Variants in STARD13 observed in about 807,000 individuals in gnomAD.
STARD13 encodes the protein StAR related lipid transfer domain containing 13, also known as stAR-related lipid transfer protein 13.
A neutral mutation model predicts 106.4 loss-of-function variants in STARD13; 62 were observed. That is an observed-to-expected ratio of 0.58 (90% CI 0.48 to 0.72). The LOEUF is 0.72. STARD13 is among the 30% of genes least tolerant of loss of function. The pLI, the probability that STARD13 is intolerant of heterozygous loss-of-function variation, is 0.00. For synonymous variants in STARD13, 565 were observed against 553.0 expected (o/e 1.02, Z -0.31); for missense variants, 1,387 against 1,424.0 (o/e 0.97, Z 0.42).
At chr13:33,650,547 T>TA in the STARD13 span, among the ~76,000 whole-genome samples, 10,218 of 152,234 alleles carry the variant, frequency 0.067, 807 homozygotes, top group Admixed American at 0.2. Flanking sequence ...CGCTTTAACT[T>TA]AGAGAGATCT....
chr13:33,165,339 G>C lies in STARD13; in HGVS notation c.321C>G (p.Cys107Trp). Residue 107 changes from cysteine to tryptophan, a missense_variant and splice_region_variant, in exon 3 of 14, where the codon TGC becomes TGG. Coordinates refer to ENST00000336934, the MANE Select transcript of STARD13 (RefSeq NM_178006.4). ...CAAAAATACTTCACATGGTTTACCT[G>C]CAAAGAGGTTCTACAAGGTCCTTTT... is the stretch of plus-strand genomic sequence containing the variant. ...FLEKDLVEPL[C>W]RRLNTLNKCA... 1 of 1,609,746 alleles carries C rather than the reference G, an allele frequency of 6.2e-7. No individual in the cohort carries two copies. Among genetic ancestry groups the C allele is most frequent in the Non-Finnish European group, 8.5e-7 (1 of 1,176,040 alleles).
At chr13:33,353,599 C>T (rs1013476827), upstream of STARD13, among the ~76,000 whole-genome samples, 1 of 152,188 alleles carries the variant, frequency 6.6e-6, no homozygotes, top group African/African-American at 2.4e-5. Flanking sequence ...CTCAGTAGTA[C>T]CTCCCTAGAC....
At chr13:33,199,885 A>G (rs1434523088) in intron 1 of STARD13, among the ~76,000 whole-genome samples, 2 of 152,250 alleles carry the variant, frequency 1.3e-5, no homozygotes, top group African/African-American at 2.4e-5. Context: ...CCCAGTACCA[A>G]TGGTCCAGGA....
At chr13:33,306,989 G>A (rs1892933271) in intron 1 of STARD13, among the ~76,000 whole-genome samples, 1 of 151,754 alleles carries the variant, frequency 6.6e-6, no homozygotes, top group South Asian at 2.1e-4. Flanking sequence ...GAAAAAAGTG[G>A]GCAAAGGACA....
At chr13:33,363,476 C>G in the STARD13 span, among the ~76,000 whole-genome samples, 1 of 152,204 alleles carries the variant, frequency 6.6e-6, no homozygotes, top group Non-Finnish European at 1.5e-5. Flanking sequence ...GGGTCTGGTT[C>G]CTGTTTTCCA....
chr13:33,389,992 T>C, the STARD13 span, among the ~76,000 whole-genome samples: 1 of 152,104 alleles, frequency 6.6e-6, no homozygotes, highest in East Asian at 1.9e-4. Context: ...ATGAGAATGA[T>C]CCACCCTTCT....
chr13:33,259,722 C>A (rs1380442679), intron 1 of STARD13, among the ~76,000 whole-genome samples: 1 of 152,160 alleles, frequency 6.6e-6, no homozygotes, highest in Admixed American at 6.5e-5. Context: ...CCAAATTTAA[C>A]CTGAACTGAA....
chr13:33,353,372 A>G (rs764621980), upstream of STARD13, among the ~76,000 whole-genome samples: 5 of 152,168 alleles, frequency 3.3e-5, no homozygotes, highest in Non-Finnish European at 7.4e-5. Flanking sequence ...TGTCCTTTCC[A>G]GGGTGCATGG....
chr13:33,310,550 TAACA>T (rs1893092474), intron 1 of STARD13, among the ~76,000 whole-genome samples: 1 of 152,140 alleles, frequency 6.6e-6, no homozygotes, highest in African/African-American at 2.4e-5. Flanking sequence ...TATAAAAAAA[TAACA>T]AACTAAATGA....
chr13:33,203,472 T>C (rs1487815325), intron 1 of STARD13, among the ~76,000 whole-genome samples: 3 of 152,228 alleles, frequency 2.0e-5, no homozygotes, highest in African/African-American at 4.8e-5. Context: ...TATGTATCTA[T>C]AAAATGTGAG....
chr13:33,507,685 A>G, the STARD13 span, among the ~76,000 whole-genome samples: 1 of 152,224 alleles, frequency 6.6e-6, no homozygotes, highest in South Asian at 2.1e-4. Context: ...AACTGTTAAC[A>G]CAGCCTACTG....
intron 1 of STARD13, among the ~76,000 whole-genome samples, chr13:33,319,662 TTACC>T (rs1033201066): frequency 3.3e-4 from 51 of 152,332 alleles, no homozygotes; most frequent in African/African-American, 1.2e-3. Context: ...CACATCCCTG[TTACC>T]AAGATCTCTG....
chr13:33,191,726 C>A (rs1483903971), intron 1 of STARD13, among the ~76,000 whole-genome samples: 1 of 152,224 alleles, frequency 6.6e-6, no homozygotes, highest in Non-Finnish European at 1.5e-5. Flanking sequence ...ACATCCAAGA[C>A]CACAGCCTCA....
the STARD13 span, among the ~76,000 whole-genome samples, chr13:33,668,818 T>C: frequency 2.0e-5 from 3 of 152,216 alleles, no homozygotes; most frequent in Non-Finnish European, 2.9e-5. Flanking sequence ...TACATTGGTG[T>C]TTGCTCAGCT....
At chr13:33,602,223 C>G in the STARD13 span, among the ~76,000 whole-genome samples, 1 of 151,920 alleles carries the variant, frequency 6.6e-6, no homozygotes, top group Non-Finnish European at 1.5e-5. Context: ...TCCCGAATAG[C>G]TGGGACTACA....
At chr13:33,503,316 T>C in the STARD13 span, among the ~76,000 whole-genome samples, 1 of 152,204 alleles carries the variant, frequency 6.6e-6, no homozygotes, top group Non-Finnish European at 1.5e-5. Context: ...ATTTTGTTGA[T>C]CTTTTCAAAA....
chr13:33,436,954 C>A, the STARD13 span, among the ~76,000 whole-genome samples: 4 of 152,146 alleles, frequency 2.6e-5, no homozygotes, highest in African/African-American at 9.7e-5. Context: ...CGTCACATTC[C>A]GCCTTCCATC....
intron 1 of STARD13, among the ~76,000 whole-genome samples, chr13:33,297,988 C>T (rs574513889): frequency 1.3e-5 from 2 of 152,306 alleles, no homozygotes; most frequent in South Asian, 4.1e-4. Context: ...ACTGATTCCT[C>T]TTTCAAAATG....
chr13:33,132,348 C>T (rs940954593), intron 4 of STARD13, among the ~76,000 whole-genome samples: 7 of 152,160 alleles, frequency 4.6e-5, no homozygotes, highest in Non-Finnish European at 1.0e-4. Context: ...CCATACTGTT[C>T]TTGTGGTAGT....
Sources: allele counts gnomAD v4.1 joint callset (sites outside exome capture counted in the v4.1 genomes callset), GRCh38; gene constraint gnomAD v4.1.1; transcripts MANE v1.5; gene names NCBI Gene and HGNC (gene_info 2026-07-23, HGNC 2026-07-21).